The following MAK variants were observed in gnomAD, a reference collection of about 807,000 sequenced individuals.
MAK encodes male germ cell associated kinase, also known as serine/threonine-protein kinase MAK.
MAK carries 65 observed loss-of-function variants against 82.6 expected under a neutral mutation model. The ratio of observed to expected loss-of-function variants is 0.79; its 90% CI spans 0.64 to 0.97. MAK has a LOEUF of 0.97. Among genes scored for constraint, MAK ranks in the 50% least tolerant of loss-of-function variants. The pLI is 0.00. For synonymous variants in MAK, 250 were observed against 274.2 expected (o/e 0.91, Z 0.87); for missense variants, 703 against 780.2 (o/e 0.90, Z 1.18).
intron 1 of MAK, among the ~76,000 whole-genome samples, chr6:10,837,446 G>C (rs1779218188): frequency 6.6e-6 from 1 of 152,224 alleles, no homozygotes; most frequent in Admixed American, 6.5e-5. Flanking sequence ...GGAAGCAGGC[G>C]GTGGCGCGGT....
chr6:10,818,377 G>T (rs1777654064), intron 3 of MAK, among the ~76,000 whole-genome samples: 1 of 152,244 alleles, frequency 6.6e-6, no homozygotes, highest in Non-Finnish European at 1.5e-5. Context: ...ACTTTGGGAG[G>T]CTGAGGCGGG....
rs757544857 is a variant in MAK at position 10,770,094 on chromosome 6, T to A, written c.1792+17A>T. The A allele has an allele frequency of 1.2e-6, 2 of 1,614,164 alleles. No individual in the cohort carries two copies. Among genetic ancestry groups the A allele is most frequent in the African/African-American group, 1.3e-5 (1 of 75,050 alleles). On this transcript the variant is annotated intron_variant, in intron 14 of 14. Transcript: ENST00000354489. ...TCTGCTAGGAATCTAGAAAACTGTA[T>A]CTGAAGTTGTTCCTACCTGAAGCCG... is the stretch of plus-strand genomic sequence containing the variant.
chr6:10,773,634 G>C (rs1773204785), intron 12 of MAK, among the ~76,000 whole-genome samples: 1 of 151,432 alleles, frequency 6.6e-6, no homozygotes, highest in Non-Finnish European at 1.5e-5. Context: ...AGTTGCAAAG[G>C]ATGTTATTTC....
intron 1 of MAK, among the ~76,000 whole-genome samples, chr6:10,833,867 G>T (rs1294355083): frequency 1.3e-5 from 2 of 152,054 alleles, no homozygotes; most frequent in Admixed American, 6.6e-5. Context: ...AAAAAGAATA[G>T]TTTTGTAAGT....
intron 2 of MAK, among the ~76,000 whole-genome samples, chr6:10,820,733 C>T (rs1340696009): frequency 6.6e-6 from 1 of 152,014 alleles, no homozygotes; most frequent in Non-Finnish European, 1.5e-5. Flanking sequence ...TATGAAGAAG[C>T]GTGATGAAAT....
intron 11 of MAK, among the ~76,000 whole-genome samples, chr6:10,775,756 A>C (rs985942245): frequency 1.3e-5 from 2 of 151,988 alleles, no homozygotes; most frequent in African/African-American, 4.8e-5. Flanking sequence ...ATGGCACAAA[A>C]ATTTTTCTTC....
intron 6 of MAK, among the ~76,000 whole-genome samples, chr6:10,807,516 T>G (rs1776584721): frequency 6.6e-6 from 1 of 151,732 alleles, no homozygotes; most frequent in Non-Finnish European, 1.5e-5. Flanking sequence ...TAATTTTGTA[T>G]TTTTAGTAGA....
At chr6:10,802,669 C>T (rs554551) in intron 7 of MAK, 126,725 of 152,346 alleles carry the variant, frequency 0.83, 52,622 homozygotes, top group South Asian at 0.86. Flanking sequence ...TGTGATGATA[C>T]CTGGGTTAAC....
At chr6:10,815,780 T>C (rs1211681206) in intron 4 of MAK, among the ~76,000 whole-genome samples, 5 of 151,722 alleles carry the variant, frequency 3.3e-5, no homozygotes, top group African/African-American at 1.2e-4. Context: ...ATTAATAAAT[T>C]TGTTTTGTAA....
Position 10,796,321 on chromosome 6 carries a change from CAG to C in MAK, c.832-14_832-13del, listed in dbSNP as rs1248512707. On this transcript the variant is annotated splice_polypyrimidine_tract_variant and intron_variant, in intron 8 of 14. Coordinates refer to ENST00000354489, the MANE Select transcript of MAK (RefSeq NM_001242957.3). ...GGGTGTTTCAATGCCTATAAAAACA[CAG>C]AGAAAACAACAAATGGAAAACAGTT... The C allele has an allele frequency of 6.2e-7, 1 of 1,604,632 alleles. No homozygotes were observed. The highest frequency in any genetic ancestry group is 2.2e-5 in the East Asian group (1 of 44,860).
intron 1 of MAK, among the ~76,000 whole-genome samples, chr6:10,832,787 C>T (rs936798076): frequency 2.6e-5 from 4 of 152,214 alleles, no homozygotes; most frequent in African/African-American, 9.7e-5. Flanking sequence ...GTGTGAGCTA[C>T]TGCTCCCGGC....
chr6:10,784,325 T>G (rs527541038), intron 11 of MAK, 99 bp downstream of exon 11: 1 of 1,281,400 alleles, frequency 7.8e-7, no homozygotes, highest in South Asian at 1.2e-5. Context: ...GATTAGATTT[T>G]TTGCTTCACT....
At chr6:10,778,455 A>G (rs1209972909) in intron 11 of MAK, among the ~76,000 whole-genome samples, 2 of 152,200 alleles carry the variant, frequency 1.3e-5, no homozygotes, top group African/African-American at 4.8e-5. Context: ...AAATTTTGCA[A>G]TCAGACCTTG....
intron 5 of MAK, among the ~76,000 whole-genome samples, chr6:10,812,620 G>T (rs977163349): frequency 3.3e-5 from 5 of 151,876 alleles, no homozygotes; most frequent in African/African-American, 1.2e-4. Context: ...CCAAAAGAAG[G>T]TCCTTTTTTT....
intron 11 of MAK, among the ~76,000 whole-genome samples, chr6:10,777,370 C>T (rs1256327858): frequency 6.6e-6 from 1 of 151,180 alleles, no homozygotes; most frequent in Non-Finnish European, 1.5e-5. Flanking sequence ...TGAGACTGTG[C>T]CACTGCATCC....
At chr6:10,815,920 A>G (rs1400427395) in intron 4 of MAK, among the ~76,000 whole-genome samples, 515 of 30,566 alleles carry the variant, frequency 0.017, 30 homozygotes, top group African/African-American at 0.029. Context: ...CAGTATATAT[A>G]TATATATATA....
chr6:10,801,857 C>A, intron 8 of MAK, 35 bp downstream of exon 8: 1 of 1,606,496 alleles, frequency 6.2e-7, no homozygotes, highest in Non-Finnish European at 8.5e-7. Flanking sequence ...AAAACCTAAA[C>A]ATTTTTAAAG....
intron 13 of MAK, among the ~76,000 whole-genome samples, chr6:10,772,440 T>A (rs547673756): frequency 7.9e-5 from 12 of 151,886 alleles, no homozygotes; most frequent in African/African-American, 2.7e-4. Flanking sequence ...GCCTCCCGGG[T>A]TCAAGCGATT....
intron 2 of MAK, among the ~76,000 whole-genome samples, chr6:10,828,631 A>C (rs1778550902): frequency 6.6e-6 from 1 of 152,142 alleles, no homozygotes; most frequent in Admixed American, 6.6e-5. Context: ...TCACTCCAAA[A>C]AAATTTTTTA....
Sources: allele counts gnomAD v4.1 joint callset (sites outside exome capture counted in the v4.1 genomes callset), GRCh38; gene constraint gnomAD v4.1.1; transcripts MANE v1.5; gene names NCBI Gene and HGNC (gene_info 2026-07-23, HGNC 2026-07-21).